The following RSPO4 variants were observed in gnomAD, a reference collection of about 807,000 sequenced individuals.
RSPO4 encodes R-spondin-4.
RSPO4 carries 23 observed loss-of-function variants against 24.8 expected under a neutral mutation model. The ratio of observed to expected loss-of-function variants is 0.93; its 90% confidence interval spans 0.67 to 1.31. The LOEUF (loss-of-function observed/expected upper bound fraction) is 1.31, where lower values mean the gene tolerates loss of function less well. Ranked by LOEUF, RSPO4 falls within the 40% of genes most tolerant of loss-of-function variation. The pLI, the probability that RSPO4 is intolerant of heterozygous loss-of-function variation, is 0.00. For missense variants in RSPO4, 333 were observed against 316.5 expected, an observed-to-expected ratio of 1.05 and a Z score of -0.39; for synonymous variants, 141 against 127.4, an observed-to-expected ratio of 1.11 and a Z score of -0.72.
At position 962,912 on chromosome 20, in the gene RSPO4, G is replaced by A. The variant is rs528064982; in HGVS notation, c.595+1023C>T. 4.3e-4 allele frequency among the ~76,000 whole-genome samples: 66 copies of A among 152,250 alleles called. 1 individual carries two copies. In the South Asian group the frequency reaches 6.8e-3, roughly 16 times the overall value. ...CTCAGTCCCCTCATCTGTAAAATGG[G>A]GATAGTGCTAATAACACCTACCGCA... On this transcript the variant is annotated intron_variant, in intron 4 of 4. Coordinates refer to ENST00000217260, the MANE Select transcript of RSPO4 (RefSeq NM_001029871.4).
At chr20:993,961 A>C (rs927890118) in intron 1 of RSPO4, among the ~76,000 whole-genome samples, 6 of 152,190 alleles carry the variant, frequency 3.9e-5, no homozygotes, top group Non-Finnish European at 5.9e-5. Flanking sequence ...GCCTTGGGCA[A>C]AGTTACTTAA....
At chr20:964,996 C>G (rs1188720076) in intron 3 of RSPO4, among the ~76,000 whole-genome samples, 1 of 152,048 alleles carries the variant, frequency 6.6e-6, no homozygotes, top group African/African-American at 2.4e-5. Flanking sequence ...ACACAGCAAG[C>G]TCAAGACACA....
chr20:988,469 TATC>T (rs1007266487), intron 1 of RSPO4, among the ~76,000 whole-genome samples: 2 of 152,138 alleles, frequency 1.3e-5, no homozygotes, highest in African/African-American at 4.8e-5. Flanking sequence ...GCTCATGGGT[TATC>T]ATGAAGATTA....
rs1013243056 is a variant in RSPO4 at position 970,407 on chromosome 20, G to A, written c.80-2269C>T. Among the ~76,000 whole-genome samples, 1 of 152,088 alleles carries A rather than the reference G, an allele frequency of 6.6e-6. No homozygotes were observed. The highest frequency in any genetic ancestry group is 1.5e-5 in the Non-Finnish European group (1 of 68,024). On this transcript the variant is annotated intron_variant, in intron 1 of 4. Coordinates refer to ENST00000217260, the MANE Select transcript of RSPO4 (RefSeq NM_001029871.4). The surrounding 1 kb of genome is among the most constrained non-coding windows in gnomAD (Gnocchi z 4.1). ...CCTCTTTCTGTTGCTTATAACTCAG[G>A]AGGCTTACTGATCCAGGGTCGTACG...
At chr20:974,186 C>T (rs1984493850) in intron 1 of RSPO4, among the ~76,000 whole-genome samples, 1 of 152,186 alleles carries the variant, frequency 6.6e-6, no homozygotes, top group Admixed American at 6.5e-5. Context: ...TGCTGTGGGC[C>T]AGGAATGTGC....
At chr20:973,367 G>A (rs1388708106) in intron 1 of RSPO4, among the ~76,000 whole-genome samples, 1 of 152,236 alleles carries the variant, frequency 6.6e-6, no homozygotes, top group Admixed American at 6.5e-5. Context: ...AGGCCAGAAG[G>A]GGTGGAGCTT....
chr20:996,616 C>A (rs183055180), intron 1 of RSPO4, among the ~76,000 whole-genome samples: 34 of 152,308 alleles, frequency 2.2e-4, no homozygotes, highest in Admixed American at 7.8e-4. Context: ...GTATTCTTAG[C>A]TTGAAGGCCA....
At chr20:976,869 T>A (rs1047004318) in intron 1 of RSPO4, among the ~76,000 whole-genome samples, 5 of 152,112 alleles carry the variant, frequency 3.3e-5, no homozygotes, top group Non-Finnish European at 7.4e-5. Context: ...AGATTTCACA[T>A]TAAAAAGCTG....
At chr20:992,392 G>C (rs1160694049) in intron 1 of RSPO4, among the ~76,000 whole-genome samples, 1 of 150,640 alleles carries the variant, frequency 6.6e-6, no homozygotes, top group African/African-American at 2.5e-5. Flanking sequence ...ACAGCACTTA[G>C]GACCACCCTA....
chr20:964,799 C>T (rs202045354), intron 3 of RSPO4, among the ~76,000 whole-genome samples: 86 of 86,884 alleles, frequency 9.9e-4, no homozygotes, highest in African/African-American at 4.3e-3. Context: ...CACATATATA[C>T]ACACATACAC....
rs141998407 is a variant in RSPO4, at chr20:993,886, G to C, written c.79+8200C>G. 9.8e-3 allele frequency among the ~76,000 whole-genome samples: 1,485 copies of C among 152,278 alleles called. 12 individuals carry two copies. The highest frequency in any genetic ancestry group is 0.015 in the Non-Finnish European group (1,002 of 68,016). On this transcript the variant is annotated intron_variant, in intron 1 of 4. Coordinates refer to ENST00000217260, the MANE Select transcript of RSPO4 (RefSeq NM_001029871.4). ...TGTGAGGATGAAATAAGGCTGGGAG[G>C]CAATTAAGTTCAGTAGTTAGAGCTG...
intron 1 of RSPO4, among the ~76,000 whole-genome samples, chr20:984,684 A>C (rs1489494233): frequency 6.6e-6 from 1 of 152,200 alleles, no homozygotes; most frequent in Non-Finnish European, 1.5e-5. Context: ...GCCTTCTTCA[A>C]CACTCAAATC....
intron 1 of RSPO4, among the ~76,000 whole-genome samples, chr20:986,797 G>A (rs1377303443): frequency 6.6e-6 from 1 of 152,038 alleles, no homozygotes; most frequent in African/African-American, 2.4e-5. Flanking sequence ...ATAAGAAAAA[G>A]GGGAATGATC....
At chr20:991,062 A>C (rs1985085324) in intron 1 of RSPO4, among the ~76,000 whole-genome samples, 2 of 152,190 alleles carry the variant, frequency 1.3e-5, no homozygotes, top group South Asian at 2.1e-4. Context: ...AGGGTGGTCC[A>C]ATGTTGAGGA....
intron 4 of RSPO4, among the ~76,000 whole-genome samples, chr20:961,423 C>A (rs1983994753): frequency 6.6e-6 from 1 of 152,226 alleles, no homozygotes; most frequent in African/African-American, 2.4e-5. Context: ...AAGGGGAGGG[C>A]AGTTTTATTC....
chr20:984,209 C>T (rs908601234), intron 1 of RSPO4, among the ~76,000 whole-genome samples: 32 of 151,986 alleles, frequency 2.1e-4, no homozygotes, highest in Admixed American at 5.2e-4. Context: ...TGTGGTGGTG[C>T]GCACCTGTAA....
chr20:994,395 T>C (rs1985207729), intron 1 of RSPO4, among the ~76,000 whole-genome samples: 1 of 151,882 alleles, frequency 6.6e-6, no homozygotes, highest in African/African-American at 2.4e-5. Context: ...GCTTGGTCTC[T>C]TTCACAAAAT....
At chr20:997,877 A>G (rs1985344344) in intron 1 of RSPO4, among the ~76,000 whole-genome samples, 1 of 152,182 alleles carries the variant, frequency 6.6e-6, no homozygotes, top group Non-Finnish European at 1.5e-5. Context: ...GGCAGAGGTG[A>G]GCTTAACCCA....
chr20:963,018 C>T (rs1179305649), intron 4 of RSPO4, among the ~76,000 whole-genome samples: 2 of 152,238 alleles, frequency 1.3e-5, no homozygotes, highest in African/African-American at 4.8e-5. Flanking sequence ...CAATACTACT[C>T]ACCGTTCACA....
Sources: gnomAD v4.1 joint callset for allele counts (sites outside exome capture counted in the v4.1 genomes callset) on GRCh38, gnomAD v4.1.1 for gene constraint, Gnocchi (gnomAD v3.1) non-coding constraint, MANE v1.5 for transcripts, NCBI Gene and HGNC (gene_info 2026-07-23, HGNC 2026-07-21) for gene names.